The following PHC2 variants were observed in gnomAD, a reference collection of about 807,000 sequenced individuals.
PHC2 encodes the protein polyhomeotic-like protein 2.
In PHC2, 29 loss-of-function variants were observed where a neutral mutation model predicts 87.4. The observed-to-expected ratio is 0.33, with a 90% confidence interval of 0.25 to 0.45. The LOEUF (loss-of-function observed/expected upper bound fraction) is 0.45. PHC2 is among the 20% of genes least tolerant of loss of function. The pLI, the probability that PHC2 is intolerant of heterozygous loss-of-function variation, is 1.00. For synonymous variants in PHC2, 438 were observed against 461.7 expected, an observed-to-expected ratio of 0.95 and a Z score of 0.66; for missense variants, 857 against 1,136.7, an observed-to-expected ratio of 0.75 and a Z score of 3.54.
intron 1 of PHC2, among the ~76,000 whole-genome samples, chr1:33,407,905 G>A (rs1649826777): frequency 6.6e-6 from 1 of 152,168 alleles, no homozygotes; most frequent in South Asian, 2.1e-4. Flanking sequence ...TTTCTCAGGA[G>A]CTGGCATTCC....
rs773283615 is a variant in PHC2 at position 33,349,076 on chromosome 1, G to C, written c.1558+5325C>G. ...ACCTTCATTTGGCATAGGAAGGAGA[G>C]AAAACGCTCTTCTAAAAATGGAAGA... On this transcript the variant is annotated intron_variant, in intron 9 of 14. Coordinates refer to ENST00000683057, the MANE Select transcript of PHC2 (RefSeq NM_001385109.1). The surrounding 1 kb of genome is among the most constrained non-coding windows in gnomAD (Gnocchi z 4.2). The C allele has an allele frequency of 1.2e-5, 12 of 985,288 alleles. No individual in the cohort carries two copies. The highest frequency in any genetic ancestry group is 1.3e-5 in the Non-Finnish European group (11 of 829,794). 61.0% of individuals were successfully genotyped at this position (985,288 alleles called of 1,614,324 possible).
In PHC2 at chr1:33,375,494, C is replaced by G; in HGVS notation, c.46G>C (p.Ala16Pro). ...CTGGCCCCGCTGGTACTGCTGGTGG[C>G]ACAGGCACTGCTAGATGTATGTGGG... is the stretch of plus-strand genomic sequence containing the variant. ...PVPHTSSSAC[A>P]TSSTSGASSS... Residue 16 changes from alanine to proline, a missense_variant, in exon 2 of 15, where the codon GCC (alanine) becomes CCC (proline). Coordinates refer to ENST00000683057, the MANE Select transcript of PHC2 (RefSeq NM_001385109.1). 1 of 1,610,650 alleles carries G rather than the reference C, an allele frequency of 6.2e-7. No individual in the cohort carries two copies. The highest frequency in any genetic ancestry group is 8.5e-7 in the Non-Finnish European group (1 of 1,178,412).
chr1:33,338,955 A>G (rs1448903827), intron 9 of PHC2, among the ~76,000 whole-genome samples: 3 of 152,200 alleles, frequency 2.0e-5, no homozygotes, highest in African/African-American at 7.2e-5. Flanking sequence ...GAATGAACAG[A>G]GCAGCATGTT....
intron 1 of PHC2, among the ~76,000 whole-genome samples, chr1:33,406,126 T>C (rs1649752466): frequency 6.6e-6 from 1 of 152,212 alleles, no homozygotes; most frequent in African/African-American, 2.4e-5. Flanking sequence ...TTTGTCTTTT[T>C]CCTTAGAGTT....
chr1:33,419,889 G>A (rs1448387557), intron 1 of PHC2, among the ~76,000 whole-genome samples: 4 of 151,454 alleles, frequency 2.6e-5, no homozygotes, highest in Admixed American at 6.6e-5. Context: ...GATTACAGGC[G>A]TGAGCCACCG....
chr1:33,362,791 C>G (rs61463561), intron 7 of PHC2, among the ~76,000 whole-genome samples: 1 of 152,168 alleles, frequency 6.6e-6, no homozygotes, highest in Non-Finnish European at 1.5e-5. Context: ...ACTCAAATGT[C>G]TGCAGCTCCC....
At chr1:33,354,775 G>A (rs1570476639) in intron 8 of PHC2, 63 bp downstream of exon 8, 1 of 1,540,564 alleles carries the variant, frequency 6.5e-7, no homozygotes, top group South Asian at 1.2e-5. Context: ...TGACGGGGCT[G>A]TGGGGTCGTC....
intron 14 of PHC2, among the ~76,000 whole-genome samples, chr1:33,326,756 C>G (rs35990407): frequency 0.17 from 26,256 of 152,114 alleles, 2,807 homozygotes; most frequent in South Asian, 0.27. Flanking sequence ...GAGTTTGAGA[C>G]CAGCCTGCCA....
At chr1:33,350,621 C>T (rs1256878028) in intron 9 of PHC2, among the ~76,000 whole-genome samples, 1 of 152,252 alleles carries the variant, frequency 6.6e-6, no homozygotes, top group Non-Finnish European at 1.5e-5. Flanking sequence ...ACGCCAGGCA[C>T]TTCTCTCCAT....
chr1:33,367,365 T>TG lies in PHC2; in HGVS notation c.726dup (p.Thr243HisfsTer17). On this transcript the variant is annotated frameshift_variant, in exon 7 of 15. Coordinates refer to ENST00000683057, the MANE Select transcript of PHC2 (RefSeq NM_001385109.1). LOFTEE classifies it high-confidence loss of function. ...GCCAAGCTGGGCAGGACAGGCTGAGTGGGGGTGGGGCCCGAGGCTGCTGCC... is the reference window on the plus strand; with the variant it reads ...GCCAAGCTGGGCAGGACAGGCTGAGTGGGGGGTGGGGCCCGAGGCTGCTGCC... 6.2e-7 allele frequency: 1 copy of TG among 1,608,358 alleles called. No homozygotes were observed. Among genetic ancestry groups the TG allele is most frequent in the South Asian group, 1.1e-5 (1 of 90,614 alleles).
intron 7 of PHC2, among the ~76,000 whole-genome samples, chr1:33,362,769 T>C (rs10914689): frequency 0.19 from 29,293 of 152,208 alleles, 2,942 homozygotes; most frequent in South Asian, 0.26. Context: ...CTTAATCATG[T>C]TTCAAAGCAC....
At chr1:33,409,003 A>C (rs1216899134) in intron 1 of PHC2, among the ~76,000 whole-genome samples, 1 of 152,196 alleles carries the variant, frequency 6.6e-6, no homozygotes, top group Non-Finnish European at 1.5e-5. Context: ...ACTTAATCAG[A>C]GTGCAAGAAT....
chr1:33,375,530 C>A lies in PHC2; in HGVS notation c.10G>T (p.Glu4Ter), dbSNP rs1227108458. The A allele has an allele frequency of 6.3e-7, 1 of 1,582,154 alleles. No homozygotes were observed. Among genetic ancestry groups the A allele is most frequent in the East Asian group, 2.3e-5 (1 of 42,684 alleles). Residue 4 changes from glutamate to a stop codon, truncating the protein, a stop_gained, in exon 2 of 15, where the codon GAG becomes TAG. Transcript: ENST00000683057. LOFTEE classifies it high-confidence loss of function. MEN[E>*]LPVPHTSSSA... Reference sequence around the variant, plus strand: ...CTAGATGTATGTGGGACTGGCAGCTCATTCTCCATGGCCTGCAGTGTGGCG... The same window carrying A: ...CTAGATGTATGTGGGACTGGCAGCTAATTCTCCATGGCCTGCAGTGTGGCG...
chr1:33,390,519 G>C (rs1357307323), intron 1 of PHC2, among the ~76,000 whole-genome samples: 1 of 152,140 alleles, frequency 6.6e-6, no homozygotes, highest in African/African-American at 2.4e-5. Flanking sequence ...ACACTTGTCA[G>C]CTGCCCAACC....
chr1:33,356,380 G>T (rs1647086440), intron 7 of PHC2, among the ~76,000 whole-genome samples: 1 of 149,992 alleles, frequency 6.7e-6, no homozygotes, highest in South Asian at 2.2e-4. Flanking sequence ...GTGGAGGGAA[G>T]GTCAGCAGAT....
intron 9 of PHC2, chr1:33,336,797 AGATCAGCGGAATCAACTCTGCC>A (rs1293911934): frequency 1.3e-5 from 2 of 152,270 alleles, no homozygotes; most frequent in African/African-American, 4.8e-5. Context: ...GTAGCCAGCC[AGATCAGCGGAATCAACTCTGCC>A]GATCAATGGG....
intron 1 of PHC2, among the ~76,000 whole-genome samples, chr1:33,418,377 GAGAGAA>G (rs67718670): frequency 0.48 from 72,380 of 151,136 alleles, 18,598 homozygotes; most frequent in South Asian, 0.61. Flanking sequence ...GAGTGAGAGA[GAGAGAA>G]AGAGGACACA....
At chr1:33,392,220 A>T (rs1268726133) in intron 1 of PHC2, among the ~76,000 whole-genome samples, 3 of 152,102 alleles carry the variant, frequency 2.0e-5, no homozygotes, top group Non-Finnish European at 4.4e-5. Context: ...TGCTCTCTTT[A>T]GACTGCTGCC....
chr1:33,375,438 A>G lies in PHC2; in HGVS notation c.102T>C (p.Ser34=). 1 of 1,612,270 alleles carries G rather than the reference A, an allele frequency of 6.2e-7. No homozygotes were observed. Among genetic ancestry groups the G allele is most frequent in the South Asian group, 1.1e-5 (1 of 90,808 alleles). The change falls in exon 2 of 15, where the codon AGT becomes AGC. Residue 34 remains serine (S), a synonymous_variant. Transcript: ENST00000683057. Reference sequence around the variant, plus strand: ...GCCCGGTGGGGCGGCCACTTCCACCACTGCTGCTGTTGTTGCAGCCACTGC... The same window carrying G: ...GCCCGGTGGGGCGGCCACTTCCACCGCTGCTGCTGTTGTTGCAGCCACTGC... ...SSSSGCNNSS[S]GGSGRPTGPQ...
Sources: allele counts gnomAD v4.1 joint callset (sites outside exome capture counted in the v4.1 genomes callset), GRCh38; gene constraint gnomAD v4.1.1; non-coding constraint Gnocchi (gnomAD v3.1); transcripts MANE v1.5; gene names NCBI Gene and HGNC (gene_info 2026-07-23, HGNC 2026-07-21).